The following FAM180A variants were observed in gnomAD, a reference collection of about 807,000 sequenced individuals.
FAM180A encodes family with sequence similarity 180 member A, also known as protein FAM180A.
Under a neutral mutation model 15.3 loss-of-function variants are expected in FAM180A, and 14 were observed. The ratio of observed to expected loss-of-function variants is 0.92; its 90% CI spans 0.61 to 1.43. The LOEUF is 1.43. Among genes scored for constraint, FAM180A ranks in the 40% most tolerant of loss-of-function variants. FAM180A has a pLI of 0.00. For missense variants in FAM180A, 200 were observed against 220.8 expected, an observed-to-expected ratio of 0.91 and a Z score of 0.60; for synonymous variants, 90 against 96.8, an observed-to-expected ratio of 0.93 and a Z score of 0.41.
At chr7:135,731,327 C>G (rs1295923299) in intron 3 of FAM180A, among the ~76,000 whole-genome samples, 1 of 152,088 alleles carries the variant, frequency 6.6e-6, no homozygotes, top group Non-Finnish European at 1.5e-5. Flanking sequence ...TTATCTGCCT[C>G]TGGCCGATCC....
In FAM180A at chr7:135,734,311, C is replaced by A. The variant is rs1796840958; in HGVS notation, c.186G>T (p.Leu62=). ...GGTCAGGGCTGATCTCAAGTTCGGC[C>A]AGCAGGAACTGGTGAGAAATGTGGA... The part of the protein sequence containing the change: ...EEVELLYEFL[L]AELEISPDLQ... Residue 62 remains leucine, a synonymous_variant, in exon 3 of 4, where the codon CTG becomes CTT. Transcript: ENST00000338588. 6.3e-7 allele frequency: 1 copy of A among 1,591,418 alleles called. No individual in the cohort carries two copies. The highest frequency in any genetic ancestry group is 1.1e-5 in the South Asian group (1 of 88,456).
At chr7:135,739,974 C>T (rs113037981) in intron 1 of FAM180A, among the ~76,000 whole-genome samples, 14 of 152,302 alleles carry the variant, frequency 9.2e-5, no homozygotes, top group Admixed American at 2.6e-4. Flanking sequence ...AGCAGAGTGA[C>T]GAGCTCTGTT....
chr7:135,737,147 C>T lies in FAM180A; in HGVS notation c.129G>A (p.Leu43=). The part of the protein sequence containing the change: ...HRPKRSSSLP[L]NPVLQTSLEE... ...CCAGGGAGGTCTGCAGGACTGGGTTCAATGGCAGTGATGAGGACCTCTTTG... is the reference window on the plus strand; with the variant it reads ...CCAGGGAGGTCTGCAGGACTGGGTTTAATGGCAGTGATGAGGACCTCTTTG... Residue 43 remains leucine (L), a synonymous_variant, in exon 2 of 4, where the codon TTG becomes TTA. Coordinates refer to ENST00000338588, the MANE Select transcript of FAM180A (RefSeq NM_205855.4). The T allele has an allele frequency of 6.2e-7, 1 of 1,612,442 alleles. No individual in the cohort carries two copies. Among genetic ancestry groups the T allele is most frequent in the Non-Finnish European group, 8.5e-7 (1 of 1,179,480 alleles).
At chr7:135,737,250 T>C in intron 1 of FAM180A, 51 bp from the exon 2 acceptor site, 1 of 1,382,520 alleles carries the variant, frequency 7.2e-7, no homozygotes, top group Non-Finnish European at 9.8e-7. Flanking sequence ...GCCCAGACCT[T>C]CTCCCTCTGA....
At chr7:135,739,170 C>T (rs1297580689) in intron 1 of FAM180A, among the ~76,000 whole-genome samples, 2 of 151,516 alleles carry the variant, frequency 1.3e-5, no homozygotes, top group Non-Finnish European at 2.9e-5. Context: ...GTTAGCTGGG[C>T]ATGATGGTGC....
chr7:135,747,044 G>T (rs1797040697), intron 1 of FAM180A, among the ~76,000 whole-genome samples: 1 of 152,200 alleles, frequency 6.6e-6, no homozygotes, highest in South Asian at 2.1e-4. Context: ...AGGTTGCAGT[G>T]AACCAAGATT....
Position 135,734,025 on chromosome 7 carries a change from C to A in FAM180A, c.472G>T (p.Ala158Ser), listed in dbSNP as rs770463007. Residue 158 changes from alanine to serine, a missense_variant, in exon 3 of 4, where the codon GCC becomes TCC. Ala to Ser is a moderately conservative substitution (Grantham distance 99). Coordinates refer to ENST00000338588, the MANE Select transcript of FAM180A (RefSeq NM_205855.4). Reference protein sequence around the residue: ...WAQSLVSLFQALRHDLMRSSQ... With the variant: ...WAQSLVSLFQSLRHDLMRSSQ... ...GAGCGCATCAAGTCGTGCCTCAGGG[C>A]CTGGAAGAGGCTAACGAGGGACTGC... 3 of 1,613,816 alleles carry A rather than the reference C, an allele frequency of 1.9e-6. No homozygotes were observed. In the Admixed American group the frequency reaches 5.0e-5, roughly 27 times the overall value.
At chr7:135,747,642 A>G (rs1797049939) in intron 1 of FAM180A, among the ~76,000 whole-genome samples, 1 of 152,152 alleles carries the variant, frequency 6.6e-6, no homozygotes, top group East Asian at 1.9e-4. Flanking sequence ...TTGCCTTCCA[A>G]TTTTGCATCT....
At chr7:135,737,697 G>T (rs1374129620) in intron 1 of FAM180A, among the ~76,000 whole-genome samples, 1 of 151,172 alleles carries the variant, frequency 6.6e-6, no homozygotes, top group Non-Finnish European at 1.5e-5. Flanking sequence ...GGCCCAGAAA[G>T]CTCTCAGTCA....
chr7:135,742,049 C>T (rs767730627), intron 1 of FAM180A, among the ~76,000 whole-genome samples: 2 of 152,160 alleles, frequency 1.3e-5, no homozygotes, highest in Non-Finnish European at 2.9e-5. Flanking sequence ...CAGTGCTGCC[C>T]CTCACATTTC....
intron 1 of FAM180A, among the ~76,000 whole-genome samples, chr7:135,740,180 T>C (rs1376963176): frequency 2.0e-5 from 3 of 152,030 alleles, no homozygotes; most frequent in Admixed American, 6.6e-5. Flanking sequence ...CACAGGAGAG[T>C]GAGGTGTCTG....
intron 2 of FAM180A, among the ~76,000 whole-genome samples, chr7:135,736,181 C>A (rs1225731887): frequency 6.6e-6 from 1 of 150,854 alleles, no homozygotes; most frequent in East Asian, 2.0e-4. Flanking sequence ...TGCCACCATG[C>A]CCAGCTAATT....
chr7:135,748,201 G>A (rs1225916635), intron 1 of FAM180A, among the ~76,000 whole-genome samples: 1 of 152,210 alleles, frequency 6.6e-6, no homozygotes, highest in Non-Finnish European at 1.5e-5. Flanking sequence ...AGGTGGTGGG[G>A]GCAGTCGAAG....
In FAM180A at chr7:135,737,171, T is replaced by C. The variant is rs752195635; in HGVS notation, c.105A>G (p.Pro35=). The part of the protein sequence containing the change: ...RAVLFPAAHR[P]KRSSSLPLNP... Reference sequence around the variant, plus strand: ...TCAATGGCAGTGATGAGGACCTCTTTGGCCGGTGGGCGGCAGGGAAGAGCA... The same window carrying C: ...TCAATGGCAGTGATGAGGACCTCTTCGGCCGGTGGGCGGCAGGGAAGAGCA... Residue 35 remains proline, a synonymous_variant, in exon 2 of 4, where the codon CCA becomes CCG. Transcript: ENST00000338588. 32 of 1,607,944 alleles carry C rather than the reference T, an allele frequency of 2.0e-5. 1 individual carries two copies. The South Asian group carries it at 3.6e-4, about 18-fold the overall frequency.
chr7:135,732,419 G>T (rs987923426), intron 3 of FAM180A, among the ~76,000 whole-genome samples: 1 of 152,194 alleles, frequency 6.6e-6, no homozygotes, highest in Non-Finnish European at 1.5e-5. Flanking sequence ...ATGGTCGGGC[G>T]CAATGGCTCT....
At position 135,748,417 on chromosome 7, in the gene FAM180A, C is replaced by T. The variant is rs988559428; in HGVS notation, c.76+88G>A. On this transcript the variant is annotated intron_variant, in intron 1 of 3. Transcript: ENST00000338588. ...GATTAGACAAAAGGAGAGTGCGGGG[C>T]TTCTAATGTCCTTCCCTCCAAATTT... The T allele has an allele frequency of 5.1e-6, 5 of 988,704 alleles. No homozygotes were observed. The African/African-American group carries it at 6.4e-5, about 13-fold the overall frequency. 61.2% of individuals were successfully genotyped at this position (988,704 alleles called of 1,614,324 possible). A position where few individuals can be genotyped will look rare whatever the true frequency, so the allele number is the denominator to read the frequency against.
At position 135,733,571 on chromosome 7, in the gene FAM180A, T is replaced by C. The variant is rs369632278; in HGVS notation, c.*329+75A>G. 2,104 of 839,496 alleles carry C rather than the reference T, an allele frequency of 2.5e-3. 11 individuals are homozygous for C. The highest frequency in any genetic ancestry group is 0.023 in the South Asian group (428 of 18,508). 52.0% of individuals were successfully genotyped at this position (839,496 alleles called of 1,614,324 possible). A position where few individuals can be genotyped will look rare whatever the true frequency, so the allele number is the denominator to read the frequency against. ...TGTGTTGCCCAGGCTGGTCTTGAAC[T>C]CCTGACCTCAAATAATCCTCCTGTC... On this transcript the variant is annotated intron_variant, in intron 3 of 3. Coordinates refer to ENST00000338588, the MANE Select transcript of FAM180A (RefSeq NM_205855.4).
rs202239714 is a variant in FAM180A at position 135,734,199 on chromosome 7, T to C, written c.298A>G (p.Ser100Gly). 15 of 1,614,208 alleles carry C rather than the reference T, an allele frequency of 9.3e-6. No individual in the cohort carries two copies. The African/African-American group carries it at 1.7e-4, about 19-fold the overall frequency. ...CTGAGCCGGCGGATGTCTGGGATGC[T>C]CTTGGGGATGACGTTGTTGCAGACG... The part of the protein sequence containing the change: ...RTVCNNVIPK[S>G]IPDIRRLSAS... The change falls in exon 3 of 4, where the codon AGC (serine) becomes GGC (glycine). Residue 100 changes from serine (S) to glycine (G), a missense_variant. Coordinates refer to ENST00000338588, the MANE Select transcript of FAM180A (RefSeq NM_205855.4).
At chr7:135,748,234 A>G (rs1195997470) in intron 1 of FAM180A, among the ~76,000 whole-genome samples, 3 of 152,164 alleles carry the variant, frequency 2.0e-5, no homozygotes, top group Non-Finnish European at 4.4e-5. Context: ...CTTTCTATGA[A>G]GCAGAAATGA....
Sources: gnomAD v4.1 joint callset for allele counts (sites outside exome capture counted in the v4.1 genomes callset) on GRCh38, gnomAD v4.1.1 for gene constraint, MANE v1.5 for transcripts, NCBI Gene and HGNC (gene_info 2026-07-23, HGNC 2026-07-21) for gene names.